Variants in ADCY2 observed in about 807,000 individuals in gnomAD.
ADCY2 encodes adenylate cyclase 2.
In ADCY2, 31 loss-of-function variants were observed where a neutral mutation model predicts 125.2. The observed-to-expected ratio is 0.25, with a 90% CI of 0.19 to 0.33. ADCY2 has a LOEUF of 0.33. ADCY2 is among the 10% of genes least tolerant of loss of function. The pLI is 1.00. For missense variants in ADCY2, 904 were observed against 1,418.2 expected (o/e 0.64, Z 5.82); for synonymous variants, 512 against 548.4 (o/e 0.93, Z 0.93).
At chr5:7,515,180 G>A (rs1744210082) in intron 2 of ADCY2, among the ~76,000 whole-genome samples, 1 of 152,166 alleles carries the variant, frequency 6.6e-6, no homozygotes, top group South Asian at 2.1e-4. Flanking sequence ...ATTAGCACAA[G>A]GAGCTCTTAC....
chr5:7,722,423 T>C (rs4235585), intron 12 of ADCY2, among the ~76,000 whole-genome samples: 55,884 of 152,082 alleles, frequency 0.37, 12,341 homozygotes, highest in East Asian at 0.94. Context: ...CTGTTTTTAG[T>C]AAGTTACCTG....
At position 7,656,768 on chromosome 5, in the gene ADCY2, T is replaced by C. The variant is rs77279228; in HGVS notation, c.720+30452T>C. 4.9e-3 allele frequency among the ~76,000 whole-genome samples: 751 copies of C among 152,218 alleles called. 21 individuals carry two copies. Among genetic ancestry groups the C allele is most frequent in the Admixed American group, 0.04 (618 of 15,296 alleles). Reference sequence around the variant, plus strand: ...CGATTGTAATCCCTCTGAAGGGGGATGAGAGATCCTGGGTTCAGGTATAGT... The same window carrying C: ...CGATTGTAATCCCTCTGAAGGGGGACGAGAGATCCTGGGTTCAGGTATAGT... On this transcript the variant is annotated intron_variant, in intron 4 of 24. Coordinates refer to ENST00000338316, the MANE Select transcript of ADCY2 (RefSeq NM_020546.3).
intron 20 of ADCY2, chr5:7,799,116 C>A (rs1379106111): frequency 2.0e-5 from 3 of 152,254 alleles, no homozygotes; most frequent in Non-Finnish European, 2.9e-5. Flanking sequence ...GACGTCTAAA[C>A]TCACTTTCAA....
At chr5:7,455,154 G>T (rs1457644823) in intron 2 of ADCY2, among the ~76,000 whole-genome samples, 1 of 152,206 alleles carries the variant, frequency 6.6e-6, no homozygotes, top group Non-Finnish European at 1.5e-5. Flanking sequence ...GGTTCTCTTT[G>T]TGTGTTGTAT....
intron 3 of ADCY2, among the ~76,000 whole-genome samples, chr5:7,613,487 G>A (rs942536726): frequency 6.6e-6 from 1 of 152,226 alleles, no homozygotes; most frequent in African/African-American, 2.4e-5. Context: ...ATGATTGGCG[G>A]TGGGGGGTGG....
chr5:7,770,685 C>G (rs1026081258), intron 17 of ADCY2, among the ~76,000 whole-genome samples: 1 of 152,134 alleles, frequency 6.6e-6, no homozygotes. Context: ...TCCGAGGGGA[C>G]AGGATCACTG....
intron 4 of ADCY2, among the ~76,000 whole-genome samples, chr5:7,646,966 G>A (rs1397694695): frequency 1.3e-5 from 2 of 152,164 alleles, no homozygotes; most frequent in Non-Finnish European, 2.9e-5. Flanking sequence ...TGCGTTCGCT[G>A]CCCCATGTTC....
Position 7,827,653 on chromosome 5 carries a change from G to A in ADCY2, c.*782G>A, listed in dbSNP as rs1251156487. On this transcript the variant is annotated 3_prime_UTR_variant, in exon 25 of 25. Coordinates refer to ENST00000338316, the MANE Select transcript of ADCY2 (RefSeq NM_020546.3). The stretch of plus-strand genomic sequence containing the variant: ...CAGTTGTTTCAGAAAGAGCTCTCCA[G>A]AAGCCAATATTGAGATGTAATTCAG... 6 of 152,300 alleles carry A rather than the reference G, an allele frequency of 3.9e-5. No homozygotes were observed. Among genetic ancestry groups the A allele is most frequent in the African/African-American group, 1.4e-4 (6 of 41,428 alleles). The allele number at this position is 152,300 out of a possible 1,614,324, so 9.4% of individuals were successfully genotyped here.
At chr5:7,415,700 G>A (rs35765191) in intron 2 of ADCY2, among the ~76,000 whole-genome samples, 7,070 of 152,238 alleles carry the variant, frequency 0.046, 198 homozygotes, top group South Asian at 0.099. Context: ...GAGGCTCTGG[G>A]CCTCAGGTCA....
chr5:7,556,316 A>C (rs1735505566), intron 3 of ADCY2, among the ~76,000 whole-genome samples: 2 of 152,338 alleles, frequency 1.3e-5, no homozygotes, highest in Admixed American at 1.3e-4. Flanking sequence ...GAATAAATAA[A>C]AAATAGTTGC....
chr5:7,644,219 T>G (rs569050633), intron 4 of ADCY2, among the ~76,000 whole-genome samples: 4 of 152,272 alleles, frequency 2.6e-5, no homozygotes, highest in African/African-American at 9.6e-5. Context: ...AACTGCCATC[T>G]AAATTCACCG....
intron 24 of ADCY2, among the ~76,000 whole-genome samples, chr5:7,820,981 C>CT (rs1458046286): frequency 6.6e-6 from 1 of 152,178 alleles, no homozygotes; most frequent in Non-Finnish European, 1.5e-5. Context: ...ACAGGAGAAC[C>CT]TTTATTACTT....
chr5:7,810,034 G>A (rs750103468), intron 22 of ADCY2, among the ~76,000 whole-genome samples: 8 of 152,190 alleles, frequency 5.3e-5, no homozygotes, highest in South Asian at 2.1e-4. Flanking sequence ...ATGGCCCTTC[G>A]TTTTGCCCTC....
At position 7,807,617 on chromosome 5, in the gene ADCY2, G is replaced by C. The variant is rs187193212; in HGVS notation, c.2883+2925G>C. On this transcript the variant is annotated intron_variant, in intron 22 of 24. Coordinates refer to ENST00000338316, the MANE Select transcript of ADCY2 (RefSeq NM_020546.3). ...CTTCTCTATCAGGGACCTCTCCTAA[G>C]ACTTTATCTATCCCCTCTGCACATT... Among the ~76,000 whole-genome samples the C allele has an allele frequency of 3.9e-5, 6 of 152,192 alleles. No homozygotes were observed. The East Asian group carries it at 1.2e-3, about 30-fold the overall frequency.
intron 3 of ADCY2, among the ~76,000 whole-genome samples, chr5:7,532,645 C>G (rs1734686867): frequency 6.6e-6 from 1 of 151,920 alleles, no homozygotes; most frequent in Admixed American, 6.6e-5. Context: ...TTAGGGACTC[C>G]TTTGTTTTTG....
chr5:7,545,064 G>T (rs542510978), intron 3 of ADCY2, among the ~76,000 whole-genome samples: 1 of 152,162 alleles, frequency 6.6e-6, no homozygotes. Flanking sequence ...GATGGGAGCC[G>T]TAGTCTGTGG....
At chr5:7,509,787 T>C (rs1205481252) in intron 2 of ADCY2, among the ~76,000 whole-genome samples, 2 of 152,186 alleles carry the variant, frequency 1.3e-5, no homozygotes, top group Non-Finnish European at 2.9e-5. Context: ...AAAGATAAAA[T>C]CTTTTATACA....
At chr5:7,547,165 T>TA (rs765505568) in intron 3 of ADCY2, among the ~76,000 whole-genome samples, 14 of 152,162 alleles carry the variant, frequency 9.2e-5, no homozygotes, top group Non-Finnish European at 1.6e-4. Context: ...CACAAGTGGG[T>TA]AAAAGCAGGA....
intron 4 of ADCY2, among the ~76,000 whole-genome samples, chr5:7,647,127 T>G (rs1191750831): frequency 6.6e-6 from 1 of 152,206 alleles, no homozygotes; most frequent in Non-Finnish European, 1.5e-5. Context: ...TTCAGAGATG[T>G]GCAAATGTGC....
Sources: gnomAD v4.1 joint callset for allele counts (sites outside exome capture counted in the v4.1 genomes callset) on GRCh38, gnomAD v4.1.1 for gene constraint, MANE v1.5 for transcripts, NCBI Gene and HGNC (gene_info 2026-07-23, HGNC 2026-07-21) for gene names.